IDE: variants seen among roughly 807,000 people sequenced by gnomAD.
The protein encoded by IDE is insulin degrading enzyme.
A neutral mutation model predicts 133.2 loss-of-function variants in IDE; 58 were observed. The observed-to-expected ratio is 0.44, with a 90% CI of 0.35 to 0.54. The LOEUF (loss-of-function observed/expected upper bound fraction) is 0.54, where lower values mean the gene tolerates loss of function less well. Among genes scored for constraint, IDE ranks in the 20% least tolerant of loss-of-function variants. The pLI is 0.00. For missense variants in IDE, 981 were observed against 1,234.0 expected (o/e 0.79, Z 3.07); for synonymous variants, 396 against 421.3 (o/e 0.94, Z 0.73).
At chr10:92,485,125 C>CT (rs34615998) in intron 13 of IDE, among the ~76,000 whole-genome samples, 27,197 of 100,838 alleles carry the variant, frequency 0.27, 3,474 homozygotes, top group African/African-American at 0.36. Flanking sequence ...TTCTTTCTTT[C>CT]TTTTTTTTTT....
intron 4 of IDE, among the ~76,000 whole-genome samples, chr10:92,528,573 T>C (rs931185921): frequency 6.6e-6 from 1 of 152,154 alleles, no homozygotes; most frequent in Non-Finnish European, 1.5e-5. Context: ...ATATGTACTC[T>C]GAATTGCTAA....
chr10:92,532,205 G>A (rs1284227531), intron 3 of IDE, among the ~76,000 whole-genome samples: 1 of 149,744 alleles, frequency 6.7e-6, no homozygotes, highest in East Asian at 2.0e-4. Context: ...GACAATAGCA[G>A]TCTATTTAAG....
At chr10:92,486,151 C>T (rs1005447631) in intron 13 of IDE, among the ~76,000 whole-genome samples, 2 of 152,004 alleles carry the variant, frequency 1.3e-5, no homozygotes, top group Non-Finnish European at 2.9e-5. Context: ...GAGTTCGAGG[C>T]CAGCCTGGCT....
At chr10:92,459,299 C>T (rs183693000) in intron 22 of IDE, among the ~76,000 whole-genome samples, 6 of 152,308 alleles carry the variant, frequency 3.9e-5, no homozygotes, top group Admixed American at 2.0e-4. Flanking sequence ...TCACTCAGCA[C>T]TAGGAGTGGT....
chr10:92,507,740 A>T (rs1412518251), intron 8 of IDE, 74 bp from the exon 9 acceptor site: 3 of 847,800 alleles, frequency 3.5e-6, no homozygotes, highest in Non-Finnish European at 6.1e-6. Context: ...CTCCTAAGGT[A>T]AAGTCAGATA....
rs1844763564 is a variant in IDE at position 92,451,911 on chromosome 10, C to T, written c.*2533G>A. On this transcript the variant is annotated 3_prime_UTR_variant, in exon 25 of 25. Coordinates refer to ENST00000265986, the MANE Select transcript of IDE (RefSeq NM_004969.4). Reference sequence around the variant, plus strand: ...AGAGGAGAGAAATATTTTTTCTATCCTTTTTATTTTCATCCCTGTAAGGGC... The same window carrying T: ...AGAGGAGAGAAATATTTTTTCTATCTTTTTTATTTTCATCCCTGTAAGGGC... 1.3e-5 allele frequency: 2 copies of T among 152,088 alleles called. No homozygotes were observed. Among genetic ancestry groups the T allele is most frequent in the South Asian group, 4.2e-4 (2 of 4,818 alleles). 9.4% of individuals were successfully genotyped at this position (152,088 alleles called of 1,614,324 possible). A position where few individuals can be genotyped will look rare whatever the true frequency, so the allele number is the denominator to read the frequency against.
rs116431148 is a variant in IDE at position 92,528,280 on chromosome 10, C to T, written c.661+3468G>A. On this transcript the variant is annotated intron_variant, in intron 4 of 24. Transcript: ENST00000265986. ...CATTAATCATGAAGTTTGACAATAG[C>T]TTTTAATCAGCTTGAAAGTTTTTTA... 7.6e-3 allele frequency among the ~76,000 whole-genome samples: 1,150 copies of T among 152,168 alleles called. 15 individuals carry two copies. The highest frequency in any genetic ancestry group is 0.026 in the African/African-American group (1,099 of 41,498).
rs35426658 is a variant in IDE, at chr10:92,487,235, C to A, written c.1617G>T (p.Pro539=). ...EFIPTNFEIL[P]LEKEATPYPA... is the part of the protein sequence containing the mutation. The stretch of plus-strand genomic sequence containing the variant: ...GGTATGGTGTCGCCTCTTTTTCTAA[C>A]GGTAAAATCTCAAAATTCGTAGGAA... Residue 539 remains proline, a synonymous_variant, in exon 13 of 25, where the codon CCG becomes CCT. Transcript: ENST00000265986. 0.021 allele frequency: 33,765 copies of A among 1,612,776 alleles called. 426 individuals carry two copies. Among genetic ancestry groups the A allele is most frequent in the Admixed American group, 0.056 (3,347 of 59,792 alleles).
chr10:92,533,835 C>T (rs1390283031), intron 3 of IDE, among the ~76,000 whole-genome samples: 1 of 151,650 alleles, frequency 6.6e-6, no homozygotes, highest in Non-Finnish European at 1.5e-5. Flanking sequence ...ACCAGCCTGA[C>T]CAACATGGTG....
chr10:92,545,303 G>GA (rs1346635826), intron 1 of IDE, among the ~76,000 whole-genome samples: 1 of 151,230 alleles, frequency 6.6e-6, no homozygotes, highest in Non-Finnish European at 1.5e-5. Flanking sequence ...AAGGAAAGAG[G>GA]AAAAAAATTA....
chr10:92,536,265 C>G (rs1841996063), intron 2 of IDE, among the ~76,000 whole-genome samples: 1 of 151,330 alleles, frequency 6.6e-6, no homozygotes, highest in South Asian at 2.1e-4. Context: ...CGCCTGTAAT[C>G]CCAGCTACTC....
At chr10:92,489,155 A>G (rs1029029851) in intron 12 of IDE, among the ~76,000 whole-genome samples, 2 of 152,102 alleles carry the variant, frequency 1.3e-5, no homozygotes, top group African/African-American at 2.4e-5. Context: ...CGTTGGCCAT[A>G]TTTCTTAAGT....
At position 92,568,930 on chromosome 10, in the gene IDE, A is replaced by G. The variant is rs569704626; in HGVS notation, c.98+4992T>C. Among the ~76,000 whole-genome samples the G allele has an allele frequency of 7.0e-4, 106 of 152,312 alleles. 2 individuals carry two copies. Among genetic ancestry groups the G allele is most frequent in the Admixed American group, 1.2e-3 (19 of 15,300 alleles). On this transcript the variant is annotated intron_variant, in intron 1 of 24. Coordinates refer to ENST00000265986, the MANE Select transcript of IDE (RefSeq NM_004969.4). The stretch of plus-strand genomic sequence containing the variant: ...AAGTTGCTGGAAATGTTTGTTTCCT[A>G]AAGTAGATGGTACACAGGTGTTTTT...
At position 92,453,905 on chromosome 10, in the gene IDE, C is replaced by G. The variant is rs1179013522; in HGVS notation, c.*539G>C. On this transcript the variant is annotated 3_prime_UTR_variant, in exon 25 of 25. Transcript: ENST00000265986. ...ATTTTATAAAAAGATTAAAACCATG[C>G]CTTATATAACCAGCATTTCACTAAT... 1 of 152,106 alleles carries G rather than the reference C, an allele frequency of 6.6e-6. No homozygotes were observed. Among genetic ancestry groups the G allele is most frequent in the Non-Finnish European group, 1.5e-5 (1 of 68,046 alleles). 9.4% of individuals were successfully genotyped at this position (152,106 alleles called of 1,614,324 possible). A position where few individuals can be genotyped will look rare whatever the true frequency, so the allele number is the denominator to read the frequency against.
intron 1 of IDE, among the ~76,000 whole-genome samples, chr10:92,569,340 G>A (rs545843746): frequency 1.3e-5 from 2 of 152,348 alleles, no homozygotes; most frequent in African/African-American, 4.8e-5. Context: ...ATATTTAGGC[G>A]AGACAACAGC....
chr10:92,470,857 T>G (rs1049289712), intron 17 of IDE, among the ~76,000 whole-genome samples: 1 of 152,200 alleles, frequency 6.6e-6, no homozygotes, highest in African/African-American at 2.4e-5. Context: ...ATGAAGTTGA[T>G]ATGTTGTAGT....
At chr10:92,454,741 C>T (rs1486628345) in intron 24 of IDE, among the ~76,000 whole-genome samples, 1 of 152,100 alleles carries the variant, frequency 6.6e-6, no homozygotes, top group East Asian at 1.9e-4. Flanking sequence ...TCTGGAGGGT[C>T]GTGAATTGGT....
At chr10:92,466,694 T>C (rs1309971310) in intron 19 of IDE, among the ~76,000 whole-genome samples, 1 of 150,824 alleles carries the variant, frequency 6.6e-6, no homozygotes, top group Non-Finnish European at 1.5e-5. Context: ...CTCGGCTCAC[T>C]GCAACCTCCA....
chr10:92,571,205 G>T (rs1021997781), intron 1 of IDE, among the ~76,000 whole-genome samples: 1 of 151,838 alleles, frequency 6.6e-6, no homozygotes, highest in African/African-American at 2.4e-5. Context: ...GTAGAGATGG[G>T]GTTTCACCAT....
Sources: gnomAD v4.1 joint callset for allele counts (sites outside exome capture counted in the v4.1 genomes callset) on GRCh38, gnomAD v4.1.1 for gene constraint, MANE v1.5 for transcripts, NCBI Gene and HGNC (gene_info 2026-07-23, HGNC 2026-07-21) for gene names.